Variants in ACACA observed in about 807,000 individuals in gnomAD.
The protein encoded by ACACA is acetyl-CoA carboxylase 1.
ACACA carries 103 observed loss-of-function variants against 296.1 expected under a neutral mutation model. That is an observed-to-expected ratio of 0.35 (90% CI 0.30 to 0.41). ACACA has a LOEUF of 0.41. ACACA is among the 10% of genes least tolerant of loss of function. The pLI, the probability that ACACA is intolerant of heterozygous loss-of-function variation, is 1.00. For missense variants in ACACA, 1,554 were observed against 2,989.7 expected, an observed-to-expected ratio of 0.52 and a Z score of 11.20; for synonymous variants, 953 against 1,038.6, an observed-to-expected ratio of 0.92 and a Z score of 1.58.
rs1020418974 is a variant in ACACA at position 37,175,820 on chromosome 17, A to C, written c.5079+3440T>G. Among the ~76,000 whole-genome samples the C allele has an allele frequency of 3.3e-5, 5 of 152,176 alleles. No individual in the cohort carries two copies. In the East Asian group the frequency reaches 9.6e-4, roughly 29 times the overall value. ...AAAAATGTGTTCTCCTATACCTTTC[A>C]TCATGCATTAGGTGGTACTCCTTTA... On this transcript the variant is annotated intron_variant, in intron 41 of 55. Transcript: ENST00000616317.
chr17:37,155,450 T>G (rs953645666), intron 43 of ACACA, among the ~76,000 whole-genome samples: 1 of 152,168 alleles, frequency 6.6e-6, no homozygotes, highest in Non-Finnish European at 1.5e-5. Flanking sequence ...TATAATTGTT[T>G]ACATGTTTCA....
chr17:37,179,159 C>A, intron 41 of ACACA, 101 bp downstream of exon 41: 1 of 1,460,084 alleles, frequency 6.8e-7, no homozygotes, highest in South Asian at 1.2e-5. Flanking sequence ...ACTCTCCCAA[C>A]AAGACTACCA....
intron 28 of ACACA, 191 bp from the exon 29 acceptor site, chr17:37,222,033 A>AT: frequency 1.6e-6 from 1 of 607,742 alleles, no homozygotes; most frequent in Non-Finnish European, 2.9e-6. Context: ...TATAACCATG[A>AT]CTACTAATGA....
intron 41 of ACACA, among the ~76,000 whole-genome samples, chr17:37,165,127 G>GCCCCC (rs1194723642): frequency 1.6e-5 from 1 of 63,774 alleles, no homozygotes; most frequent in Non-Finnish European, 3.4e-5. Flanking sequence ...ACCCCGCCCC[G>GCCCCC]CCCCCCATCT....
At chr17:37,330,102 C>T in intron 3 of ACACA, 71 bp downstream of exon 3, 2 of 1,581,416 alleles carry the variant, frequency 1.3e-6, no homozygotes, top group Non-Finnish European at 1.7e-6. Context: ...ATCATCCTTG[C>T]TCTTTTCAGA....
At position 37,121,631 on chromosome 17, in the gene ACACA, T is replaced by C. The variant is rs1467082378; in HGVS notation, c.6139-141A>G. ...AAACTATTGTTCATCAAGATCATCA[T>C]GTTTGGAGTAAAAAAGAAGAAAGGA... On this transcript the variant is annotated intron_variant, in intron 49 of 55. Coordinates refer to ENST00000616317, the MANE Select transcript of ACACA (RefSeq NM_198834.3). 4 of 1,086,924 alleles carry C rather than the reference T, an allele frequency of 3.7e-6. No individual in the cohort carries two copies. The African/African-American group carries it at 4.7e-5, about 13-fold the overall frequency. 67.3% of individuals were successfully genotyped at this position (1,086,924 alleles called of 1,614,324 possible). A position where few individuals can be genotyped will look rare whatever the true frequency, so the allele number is the denominator to read the frequency against.
Position 37,252,126 on chromosome 17 carries a change from A to AG in ACACA, c.1978-19dup. 6.2e-7 allele frequency: 1 copy of AG among 1,607,312 alleles called. No individual in the cohort carries two copies. ...CGCTCAGCCTGAAAGGAGGAAAAAG[A>AG]GGGCAGATCAAATGCATGGTCACTT... On this transcript the variant is annotated intron_variant, in intron 15 of 55. Coordinates refer to ENST00000616317, the MANE Select transcript of ACACA (RefSeq NM_198834.3).
chr17:37,252,188 T>A, intron 15 of ACACA, 80 bp from the exon 16 acceptor site: 1 of 1,156,796 alleles, frequency 8.6e-7, no homozygotes, highest in Non-Finnish European at 1.3e-6. Context: ...AGGCTCAAAT[T>A]TGTTGTGATG....
chr17:37,122,850 A>T (rs973235272), intron 48 of ACACA: 4 of 622,292 alleles, frequency 6.4e-6, no homozygotes, highest in African/African-American at 3.6e-5. Context: ...CTATTCGGAA[A>T]TGTCCCAACA....
chr17:37,115,295 A>C (rs570290207), intron 50 of ACACA, among the ~76,000 whole-genome samples: 1 of 152,354 alleles, frequency 6.6e-6, no homozygotes, highest in Non-Finnish European at 1.5e-5. Flanking sequence ...AACTAAATTA[A>C]TTCTTTAGTG....
At chr17:37,337,013 T>C (rs1163831645) in intron 2 of ACACA, among the ~76,000 whole-genome samples, 4 of 152,128 alleles carry the variant, frequency 2.6e-5, no homozygotes, top group Non-Finnish European at 5.9e-5. Flanking sequence ...CCTGGACCAT[T>C]GGCATCACCT....
At chr17:37,343,157 T>C (rs1318379468) in intron 1 of ACACA, among the ~76,000 whole-genome samples, 1 of 151,898 alleles carries the variant, frequency 6.6e-6, no homozygotes, top group Non-Finnish European at 1.5e-5. Flanking sequence ...TTTGTATTTT[T>C]AGTAGAGACG....
chr17:37,390,636 G>GAA (rs566942621), intron 1 of ACACA, among the ~76,000 whole-genome samples: 1 of 133,756 alleles, frequency 7.5e-6, no homozygotes. Flanking sequence ...CAAAAAGAGA[G>GAA]AAAAAAAAAA....
intron 29 of ACACA, among the ~76,000 whole-genome samples, chr17:37,212,773 G>T (rs1279147921): frequency 6.6e-6 from 1 of 151,638 alleles, no homozygotes; most frequent in Non-Finnish European, 1.5e-5. Flanking sequence ...TTATAGGCAT[G>T]AGCCAGCAAA....
At chr17:37,284,162 T>C (rs896753837) in intron 4 of ACACA, among the ~76,000 whole-genome samples, 1 of 152,228 alleles carries the variant, frequency 6.6e-6, no homozygotes, top group African/African-American at 2.4e-5. Flanking sequence ...AGCTCTGACA[T>C]GGTTTAGACA....
chr17:37,347,060 C>G (rs2048659131), intron 1 of ACACA, among the ~76,000 whole-genome samples: 1 of 152,140 alleles, frequency 6.6e-6, no homozygotes, highest in African/African-American at 2.4e-5. Flanking sequence ...TGTCCCCACC[C>G]AAACCTCCTC....
At chr17:37,385,965 A>G (rs958889903) in intron 1 of ACACA, 5 of 1,327,094 alleles carry the variant, frequency 3.8e-6, no homozygotes, top group Admixed American at 2.2e-5. Context: ...AAGGCAGGAT[A>G]AAGTTTTCCC....
At chr17:37,178,234 T>C (rs1257950114) in intron 41 of ACACA, among the ~76,000 whole-genome samples, 4 of 152,234 alleles carry the variant, frequency 2.6e-5, no homozygotes, top group East Asian at 3.9e-4. Context: ...TAGGGCAAAA[T>C]AGGACTTTAT....
In ACACA at chr17:37,210,462, G is replaced by T. The variant is rs368345944; in HGVS notation, c.3707+5C>A. ...TAATTGGAAAAGAAACTAAACATAC[G>T]GTACCTGTTTAGCGTAGGGATGTTC... On this transcript the variant is annotated splice_donor_5th_base_variant and intron_variant, in intron 30 of 55. Transcript: ENST00000616317. 1 of 1,611,404 alleles carries T rather than the reference G, an allele frequency of 6.2e-7. No homozygotes were observed. The highest frequency in any genetic ancestry group is 1.7e-5 in the Admixed American group (1 of 59,926).
Sources: allele counts gnomAD v4.1 joint callset (sites outside exome capture counted in the v4.1 genomes callset), GRCh38; gene constraint gnomAD v4.1.1; transcripts MANE v1.5; gene names NCBI Gene and HGNC (gene_info 2026-07-23, HGNC 2026-07-21).